Variants in SLX9 observed in about 807,000 individuals in gnomAD.
The protein encoded by SLX9 is SLX9 ribosome biogenesis factor, also known as ribosome biogenesis protein SLX9 homolog.
In SLX9, 19 loss-of-function variants were observed where a neutral mutation model predicts 20.8. That is an observed-to-expected ratio of 0.91 (90% CI 0.64 to 1.34). SLX9 has a LOEUF of 1.34. SLX9 is among the 40% of genes most tolerant of loss of function. The pLI is 0.00. For synonymous variants in SLX9, 113 were observed against 137.1 expected (o/e 0.82, Z 1.23); for missense variants, 299 against 322.2 (o/e 0.93, Z 0.55).
chr21:44,941,868 C>T (rs1203227412), intron 1 of SLX9, among the ~76,000 whole-genome samples: 3 of 152,308 alleles, frequency 2.0e-5, no homozygotes, highest in East Asian at 1.9e-4. Flanking sequence ...CACCCTTAGG[C>T]GTGAGAGCCC....
At chr21:44,966,996 C>T (rs1292575620) in intron 3 of SLX9, 38 bp from the exon 4 acceptor site, 3 of 1,579,718 alleles carry the variant, frequency 1.9e-6, no homozygotes, top group East Asian at 2.3e-5. Flanking sequence ...TCCTCCTCTG[C>T]CTCTTGTTTG....
intron 2 of SLX9, among the ~76,000 whole-genome samples, chr21:44,949,692 C>T (rs748782041): frequency 1.3e-5 from 2 of 152,188 alleles, no homozygotes; most frequent in Admixed American, 1.3e-4. Context: ...CAGTGGAACA[C>T]GTCTGCGTCT....
At chr21:44,950,222 A>AT in intron 2 of SLX9, among the ~76,000 whole-genome samples, 1 of 149,808 alleles carries the variant, frequency 6.7e-6, no homozygotes, top group East Asian at 2.0e-4. Flanking sequence ...ATTTTCTGCT[A>AT]TTTTCCAGTA....
intron 3 of SLX9, among the ~76,000 whole-genome samples, chr21:44,966,717 C>T (rs1018252069): frequency 2.6e-5 from 4 of 152,236 alleles, no homozygotes; most frequent in Admixed American, 2.0e-4. Flanking sequence ...CCCCTCTGCT[C>T]GGTGGCTGTG....
intron 4 of SLX9, among the ~76,000 whole-genome samples, chr21:44,972,177 G>A (rs191841789): frequency 6.6e-6 from 1 of 152,244 alleles, no homozygotes; most frequent in East Asian, 1.9e-4. Context: ...CGTCGTCTGG[G>A]TCCCATCTCA....
intron 4 of SLX9, among the ~76,000 whole-genome samples, chr21:44,971,816 C>T (rs1198199367): frequency 6.6e-6 from 1 of 152,110 alleles, no homozygotes; most frequent in Admixed American, 6.5e-5. Context: ...GCCAGGGGGG[C>T]AGAGCTTCTG....
At chr21:44,972,349 C>T (rs1727706942) in intron 4 of SLX9, among the ~76,000 whole-genome samples, 1 of 152,174 alleles carries the variant, frequency 6.6e-6, no homozygotes, top group Admixed American at 6.5e-5. Context: ...AAGATTCCCA[C>T]GGTTAACTGA....
At chr21:44,940,302 C>T (rs563897520) in intron 1 of SLX9, 116 bp downstream of exon 1, 1,100 of 1,173,452 alleles carry the variant, frequency 9.4e-4, no homozygotes, top group Non-Finnish European at 1.1e-3. Flanking sequence ...GCTCTGCGGG[C>T]ATTTGCTGCG....
chr21:44,953,525 G>A (rs2084799511), intron 2 of SLX9, among the ~76,000 whole-genome samples: 1 of 151,464 alleles, frequency 6.6e-6, no homozygotes, highest in Non-Finnish European at 1.5e-5. Flanking sequence ...TCCGGGCCTC[G>A]GGAGCCTGTC....
chr21:44,950,518 C>T (rs1436035474), intron 2 of SLX9, among the ~76,000 whole-genome samples: 1 of 152,204 alleles, frequency 6.6e-6, no homozygotes, highest in Non-Finnish European at 1.5e-5. Flanking sequence ...GAGAGTGTGG[C>T]CGTGCCAGCC....
At chr21:44,973,000 G>GATCAGGCAGTTGCACTGCTT in intron 4 of SLX9, 197 bp from the exon 5 acceptor site, 1 of 675,662 alleles carries the variant, frequency 1.5e-6, no homozygotes, top group Non-Finnish European at 2.5e-6. Context: ...GTCACAGGAC[G>GATCAGGCAGTTGCACTGCTT]GTCAGGCAGT....
chr21:44,963,091 T>C (rs563065126), intron 3 of SLX9, among the ~76,000 whole-genome samples: 163 of 150,164 alleles, frequency 1.1e-3, no homozygotes, highest in Non-Finnish European at 1.7e-3. Context: ...TCATTTTCTT[T>C]CTTTTTTTTT....
At chr21:44,958,686 G>T (rs1489328400) in intron 2 of SLX9, among the ~76,000 whole-genome samples, 1 of 152,254 alleles carries the variant, frequency 6.6e-6, no homozygotes, top group African/African-American at 2.4e-5. Context: ...CCCGGAAAGC[G>T]GCGGGAGCTG....
chr21:44,965,244 G>C (rs537922597), intron 3 of SLX9, among the ~76,000 whole-genome samples: 1 of 152,164 alleles, frequency 6.6e-6, no homozygotes, highest in Non-Finnish European at 1.5e-5. Context: ...GCACTCTCCC[G>C]TTGGTTCTCC....
intron 4 of SLX9, among the ~76,000 whole-genome samples, chr21:44,971,490 C>T (rs2085148943): frequency 6.6e-6 from 1 of 152,288 alleles, no homozygotes; most frequent in East Asian, 1.9e-4. Context: ...GCCTCATGGG[C>T]ACTGCAGCCA....
chr21:44,943,912 C>T, intron 2 of SLX9, 75 bp downstream of exon 2: 1 of 1,591,252 alleles, frequency 6.3e-7, no homozygotes. Context: ...CCCGAGGTCT[C>T]AGCAGCTTTC....
chr21:44,967,127 A>G lies in SLX9; in HGVS notation c.446A>G (p.Asp149Gly), dbSNP rs775123537. The G allele has an allele frequency of 1.1e-5, 18 of 1,608,274 alleles. No individual in the cohort carries two copies. Among genetic ancestry groups the G allele is most frequent in the Admixed American group, 8.4e-5 (5 of 59,464 alleles). ...GTGGGGGACCTGCACCCTCTCAGGG[A>G]TGCCCTGCCCGAGCTGCTGGGGCTC... is the stretch of plus-strand genomic sequence containing the variant. ...VVVGDLHPLR[D>G]ALPELLGLEA... Residue 149 changes from aspartate (D) to glycine (G), a missense_variant, in exon 4 of 6, where the codon GAT becomes GGT. Coordinates refer to ENST00000291634, the MANE Select transcript of SLX9 (RefSeq NM_058190.4).
chr21:44,949,271 C>CG, intron 2 of SLX9, among the ~76,000 whole-genome samples: 1 of 152,220 alleles, frequency 6.6e-6, no homozygotes, highest in African/African-American at 2.4e-5. Context: ...TGGCCTTGCC[C>CG]GGGGGCTGCT....
intron 4 of SLX9, among the ~76,000 whole-genome samples, chr21:44,970,050 C>T (rs2085114564): frequency 1.3e-5 from 2 of 151,724 alleles, no homozygotes; most frequent in South Asian, 4.1e-4. Context: ...TTGGGCACAC[C>T]CTGTCACCTG....
Sources: allele counts gnomAD v4.1 joint callset (sites outside exome capture counted in the v4.1 genomes callset), GRCh38; gene constraint gnomAD v4.1.1; transcripts MANE v1.5; gene names NCBI Gene and HGNC (gene_info 2026-07-23, HGNC 2026-07-21).